BOLA3: variants seen among roughly 807,000 people sequenced by gnomAD.
BOLA3 encodes bolA family member 3.
A neutral mutation model predicts 14.5 loss-of-function variants in BOLA3; 8 were observed. The ratio of observed to expected loss-of-function variants is 0.55; its 90% CI spans 0.32 to 0.99. The LOEUF (loss-of-function observed/expected upper bound fraction) is 0.99, where lower values mean the gene tolerates loss of function less well. Among genes scored for constraint, BOLA3 ranks in the 50% least tolerant of loss-of-function variants. The pLI, the probability that BOLA3 is intolerant of heterozygous loss-of-function variation, is 0.04. For synonymous variants in BOLA3, 42 were observed against 45.7 expected (o/e 0.92, Z 0.33); for missense variants, 115 against 138.2 (o/e 0.83, Z 0.84).
rs1692450542 is a variant in BOLA3 at position 74,142,323 on chromosome 2, T to C, written c.207A>G (p.Ser69=). The change falls in exon 3 of 4, where the codon TCA becomes TCG. Residue 69 remains serine, a synonymous_variant. Coordinates refer to ENST00000327428, the MANE Select transcript of BOLA3 (RefSeq NM_212552.3). ...CAGTTCTCTTCTCCTTAAATTCTTC[T>C]GATTCAATTTTAATTTCATACATCG... The part of the protein sequence containing the change: ...CGAMYEIKIE[S]EEFKEKRTVQ... 1.9e-6 allele frequency: 3 copies of C among 1,613,982 alleles called. No homozygotes were observed. Among genetic ancestry groups the C allele is most frequent in the Admixed American group, 1.7e-5 (1 of 60,034 alleles).
At chr2:74,137,622 T>G (rs1692358258) in intron 3 of BOLA3, among the ~76,000 whole-genome samples, 1 of 151,872 alleles carries the variant, frequency 6.6e-6, no homozygotes, top group South Asian at 2.1e-4. Flanking sequence ...TTGTCCAAAG[T>G]CAGCAAACAA....
In BOLA3 at chr2:74,147,887, T is replaced by A. The variant is rs1169971771; in HGVS notation, c.-13A>T. 2.6e-6 allele frequency: 4 copies of A among 1,513,648 alleles called. No homozygotes were observed. The African/African-American group carries it at 4.3e-5, about 16-fold the overall frequency. The allele number at this position is 1,513,648 out of a possible 1,614,324, so 93.8% of individuals were successfully genotyped here. A position where few individuals can be genotyped will look rare whatever the true frequency, so the allele number is the denominator to read the frequency against. ...TCCATGCAGCCATGCCCGGCCGACG[T>A]GACCCGCCGCCCGAGGTCACTGTAT... On this transcript the variant is annotated 5_prime_UTR_variant, in exon 1 of 4. Coordinates refer to ENST00000327428, the MANE Select transcript of BOLA3 (RefSeq NM_212552.3).
At chr2:74,146,444 T>A (rs1487042794) in intron 1 of BOLA3, 1 of 152,322 alleles carries the variant, frequency 6.6e-6, no homozygotes, top group Non-Finnish European at 1.5e-5. Context: ...AGGCTAAAGA[T>A]TGTGGACTGT....
In BOLA3 at chr2:74,135,567, G is replaced by GCA; in HGVS notation, c.*24_*25dup. On this transcript the variant is annotated 3_prime_UTR_variant, in exon 4 of 4. Coordinates refer to ENST00000327428, the MANE Select transcript of BOLA3 (RefSeq NM_212552.3). ...TGAAGTTCATCCAAGGTCTTAAGCAGCAGCATCTATGCAGCCAGGGCGTGG... is the reference window on the plus strand; with the variant it reads ...TGAAGTTCATCCAAGGTCTTAAGCAGCACAGCATCTATGCAGCCAGGGCGTGG... The GCA allele has an allele frequency of 2.5e-6, 4 of 1,613,588 alleles. No homozygotes were observed. Among genetic ancestry groups the GCA allele is most frequent in the Non-Finnish European group, 3.4e-6 (4 of 1,179,648 alleles).
chr2:74,144,625 C>T (rs1206933571), intron 2 of BOLA3, among the ~76,000 whole-genome samples: 1 of 152,196 alleles, frequency 6.6e-6, no homozygotes, highest in Non-Finnish European at 1.5e-5. Context: ...CTTCTAGGTG[C>T]CAGTGGCCAC....
intron 3 of BOLA3, among the ~76,000 whole-genome samples, chr2:74,137,084 T>TAA (rs1692347810): frequency 1.3e-5 from 2 of 152,250 alleles, no homozygotes; most frequent in African/African-American, 4.8e-5. Context: ...TCTAGTCTCT[T>TAA]TAGTGATCTC....
At chr2:74,145,079 G>C (rs1487386530) in intron 2 of BOLA3, 110 bp downstream of exon 2, 8 of 734,948 alleles carry the variant, frequency 1.1e-5, no homozygotes, top group Non-Finnish European at 2.0e-5. Context: ...AACACATCTT[G>C]AGAAGCCACT....
chr2:74,143,153 G>T (rs1392575528), intron 2 of BOLA3, among the ~76,000 whole-genome samples: 1 of 143,934 alleles, frequency 6.9e-6, no homozygotes, highest in African/African-American at 2.5e-5. Context: ...AACAGGCTTT[G>T]CTCTGCTTCT....
chr2:74,140,118 T>C (rs1181047367), intron 3 of BOLA3, among the ~76,000 whole-genome samples: 1 of 152,118 alleles, frequency 6.6e-6, no homozygotes, highest in Non-Finnish European at 1.5e-5. Flanking sequence ...ACCCCATCTC[T>C]ACTAAAAATA....
At chr2:74,147,498 T>A (rs1692568150) in intron 1 of BOLA3, 5 of 380,694 alleles carry the variant, frequency 1.3e-5, no homozygotes, top group South Asian at 1.1e-4. Context: ...ATGACTCCTG[T>A]CTTCTGCTCG....
At chr2:74,138,454 C>G (rs945328859) in intron 3 of BOLA3, among the ~76,000 whole-genome samples, 1 of 152,204 alleles carries the variant, frequency 6.6e-6, no homozygotes, top group African/African-American at 2.4e-5. Flanking sequence ...CTGGGGTGGA[C>G]GCACAAGGGC....
intron 3 of BOLA3, among the ~76,000 whole-genome samples, chr2:74,136,522 G>C (rs1174165196): frequency 3.3e-5 from 5 of 152,076 alleles, no homozygotes; most frequent in Non-Finnish European, 7.4e-5. Flanking sequence ...TGTGGCCCAA[G>C]AGAATTCTTC....
At chr2:74,145,083 AG>A (rs1692519373) in intron 2 of BOLA3, 105 bp downstream of exon 2, 1 of 742,330 alleles carries the variant, frequency 1.3e-6, no homozygotes, top group Admixed American at 1.9e-5. Context: ...CATCTTGAGA[AG>A]CCACTCACCA....
chr2:74,145,048 G>T (rs13406790), intron 2 of BOLA3, 141 bp downstream of exon 2: 41 of 685,938 alleles, frequency 6.0e-5, no homozygotes. Flanking sequence ...GGGGGCAGCC[G>T]AGCTCCACCT....
At chr2:74,144,701 G>T (rs957827100) in intron 2 of BOLA3, among the ~76,000 whole-genome samples, 2 of 152,170 alleles carry the variant, frequency 1.3e-5, no homozygotes, top group Non-Finnish European at 1.5e-5. Flanking sequence ...CCTGAGTCCC[G>T]GTTCTGGTTC....
rs979831090 is a variant in BOLA3, at chr2:74,147,647, C to T, written c.54+174G>A. The T allele has an allele frequency of 8.7e-6, 6 of 692,222 alleles. No homozygotes were observed. The South Asian group carries it at 1.0e-4, about 12-fold the overall frequency. The allele number at this position is 692,222 out of a possible 1,614,324, so 42.9% of individuals were successfully genotyped here. The stretch of plus-strand genomic sequence containing the variant: ...CTTGAAATTTCGAATGCCGTTGTCG[C>T]TGAGTGAATGAATGAATGAAAGAAT... On this transcript the variant is annotated intron_variant, in intron 1 of 3. Transcript: ENST00000327428.
chr2:74,142,855 C>G (rs904265635), intron 2 of BOLA3, among the ~76,000 whole-genome samples: 2 of 152,196 alleles, frequency 1.3e-5, no homozygotes, highest in Non-Finnish European at 2.9e-5. Flanking sequence ...ACACAGCAAA[C>G]ATGCTATGCA....
intron 3 of BOLA3, among the ~76,000 whole-genome samples, chr2:74,140,157 G>A (rs963828342): frequency 1.2e-4 from 18 of 152,126 alleles, no homozygotes; most frequent in East Asian, 5.8e-4. Flanking sequence ...GGTGGCGGGC[G>A]CCTGTAGTCC....
chr2:74,142,413 G>A, intron 2 of BOLA3, 53 bp from the exon 3 acceptor site: 1 of 1,341,684 alleles, frequency 7.5e-7, no homozygotes, highest in Non-Finnish European at 1.1e-6. Context: ...TGGCAGCCAT[G>A]GTCCCATATA....
Sources: gnomAD v4.1 joint callset for allele counts (sites outside exome capture counted in the v4.1 genomes callset) on GRCh38, gnomAD v4.1.1 for gene constraint, MANE v1.5 for transcripts, NCBI Gene and HGNC (gene_info 2026-07-23, HGNC 2026-07-21) for gene names.